The following GUCY2C variants were observed in gnomAD, a reference collection of about 807,000 sequenced individuals.
The protein encoded by GUCY2C is guanylyl cyclase C.
GUCY2C carries 118 observed loss-of-function variants against 131.1 expected under a neutral mutation model. That is an observed-to-expected ratio of 0.90 (90% CI 0.78 to 1.05). The LOEUF is 1.05. Among genes scored for constraint, GUCY2C ranks in the 50% least tolerant of loss-of-function variants. The pLI, the probability that GUCY2C is intolerant of heterozygous loss-of-function variation, is 0.00. For synonymous variants in GUCY2C, 452 were observed against 457.8 expected (o/e 0.99, Z 0.16); for missense variants, 1,161 against 1,304.4 (o/e 0.89, Z 1.69).
chr12:14,684,134 G>A (rs895684400), intron 3 of GUCY2C, among the ~76,000 whole-genome samples: 6 of 152,072 alleles, frequency 3.9e-5, no homozygotes, highest in Admixed American at 6.6e-5. Flanking sequence ...GCATTCCCAA[G>A]CTTAAAACCT....
chr12:14,632,502 A>C (rs1233520494), intron 19 of GUCY2C, among the ~76,000 whole-genome samples: 1 of 152,240 alleles, frequency 6.6e-6, no homozygotes, highest in East Asian at 1.9e-4. Context: ...ACAAAAGCAA[A>C]TGTAAAGAGC....
intron 1 of GUCY2C, among the ~76,000 whole-genome samples, chr12:14,695,039 A>G (rs779590127): frequency 3.3e-5 from 5 of 152,174 alleles, no homozygotes; most frequent in African/African-American, 4.8e-5. Flanking sequence ...TACATACTGG[A>G]TATTATAATA....
intron 16 of GUCY2C, 149 bp from the exon 17 acceptor site, chr12:14,643,855 A>C: frequency 6.0e-6 from 4 of 672,118 alleles, no homozygotes; most frequent in Non-Finnish European, 7.7e-6. Flanking sequence ...TTACCTTAAC[A>C]ATATTACTGA....
rs75809162 is a variant in GUCY2C, at chr12:14,678,211, G to C, written c.831-1240C>G. ...AATCCTAGAAGTACCCTTATGAAGA[G>C]GACATTTTAATTCTCATTTTACAAA... On this transcript the variant is annotated intron_variant, in intron 6 of 26. Transcript: ENST00000261170. Among the ~76,000 whole-genome samples the C allele has an allele frequency of 1.6e-3, 248 of 152,196 alleles. 2 individuals carry two copies. In the East Asian group the frequency reaches 0.028, roughly 17 times the overall value.
chr12:14,662,090 A>T (rs1947879529), intron 10 of GUCY2C, among the ~76,000 whole-genome samples: 2 of 152,102 alleles, frequency 1.3e-5, no homozygotes, highest in South Asian at 4.2e-4. Flanking sequence ...TGAATTCCCT[A>T]TTAGGAAGTC....
chr12:14,638,186 GA>G (rs1330909040), intron 19 of GUCY2C, among the ~76,000 whole-genome samples: 5 of 152,326 alleles, frequency 3.3e-5, no homozygotes, highest in African/African-American at 9.6e-5. Flanking sequence ...ACCCCAGTTA[GA>G]ATGGCTATTA....
chr12:14,636,879 A>G (rs552150460), intron 19 of GUCY2C, among the ~76,000 whole-genome samples: 26 of 152,224 alleles, frequency 1.7e-4, no homozygotes, highest in Non-Finnish European at 2.1e-4. Flanking sequence ...GCCTGAGCTC[A>G]GGAGTTCGAG....
At chr12:14,614,698 C>T (rs1946720439) in intron 26 of GUCY2C, 169 bp downstream of exon 26, 1 of 552,292 alleles carries the variant, frequency 1.8e-6, no homozygotes, top group Non-Finnish European at 3.1e-6. Context: ...CAGGATAATC[C>T]CCTTCTTGCA....
chr12:14,640,964 C>A (rs1253313285), intron 18 of GUCY2C, 118 bp downstream of exon 18: 6 of 860,358 alleles, frequency 7.0e-6, no homozygotes, highest in African/African-American at 1.6e-5. Flanking sequence ...GATGGGAAAT[C>A]ATTAATTTTG....
chr12:14,645,621 G>C (rs923237383), intron 15 of GUCY2C, among the ~76,000 whole-genome samples: 1 of 152,200 alleles, frequency 6.6e-6, no homozygotes, highest in Non-Finnish European at 1.5e-5. Flanking sequence ...TGACTGCCCT[G>C]CATGTTCTGT....
At position 14,620,859 on chromosome 12, in the gene GUCY2C, GTT is replaced by G. The variant is rs112212546; in HGVS notation, c.2776+181_2776+182del. 3.2e-3 allele frequency among the ~76,000 whole-genome samples: 492 copies of G among 152,278 alleles called. 3 individuals are homozygous for G. The highest frequency in any genetic ancestry group is 0.011 in the African/African-American group (465 of 41,558). On this transcript the variant is annotated intron_variant, in intron 23 of 26. Transcript: ENST00000261170. Reference sequence around the variant, plus strand: ...TGCCCTCAAAGGTCTTGTTCTTAGAGTTCTCTAGGAACTGGGTCTAAATATCT... The same window carrying G: ...TGCCCTCAAAGGTCTTGTTCTTAGAGCTCTAGGAACTGGGTCTAAATATCT...
intron 15 of GUCY2C, among the ~76,000 whole-genome samples, chr12:14,648,230 G>A (rs1239422867): frequency 6.6e-6 from 1 of 151,516 alleles, no homozygotes; most frequent in Non-Finnish European, 1.5e-5. Context: ...AAAGTGATGG[G>A]ATTACAGGCA....
At chr12:14,665,805 A>T (rs11056088) in intron 10 of GUCY2C, 1 of 152,238 alleles carries the variant, frequency 6.6e-6, no homozygotes, top group Non-Finnish European at 1.5e-5. Flanking sequence ...GTAGCTGTGT[A>T]CACACAGATG....
chr12:14,631,397 A>C (rs1947144381), intron 19 of GUCY2C, among the ~76,000 whole-genome samples: 2 of 132,240 alleles, frequency 1.5e-5, no homozygotes, highest in African/African-American at 5.6e-5. Context: ...CTACCCCATA[A>C]CAGTCCCCAG....
At chr12:14,627,703 C>G (rs576209252) in intron 20 of GUCY2C, among the ~76,000 whole-genome samples, 1 of 152,170 alleles carries the variant, frequency 6.6e-6, no homozygotes, top group East Asian at 1.9e-4. Context: ...TATCAAGGAC[C>G]CAGTTTCTTC....
chr12:14,625,497 T>A (rs12815090), intron 21 of GUCY2C, among the ~76,000 whole-genome samples: 1 of 151,918 alleles, frequency 6.6e-6, no homozygotes, highest in Non-Finnish European at 1.5e-5. Flanking sequence ...CTGGCTAATT[T>A]TTTTTATTAT....
At chr12:14,634,567 A>G (rs1278472883) in intron 19 of GUCY2C, among the ~76,000 whole-genome samples, 1 of 152,246 alleles carries the variant, frequency 6.6e-6, no homozygotes, top group Non-Finnish European at 1.5e-5. Flanking sequence ...GGATGTATAA[A>G]CAACCAGAAA....
chr12:14,617,637 A>G (rs1335196755), intron 24 of GUCY2C, among the ~76,000 whole-genome samples: 2 of 152,218 alleles, frequency 1.3e-5, no homozygotes, highest in East Asian at 3.9e-4. Context: ...CCCATTCACA[A>G]GTCCATTGAT....
At chr12:14,669,568 A>G (rs775194447) in intron 10 of GUCY2C, among the ~76,000 whole-genome samples, 154 bp downstream of exon 10, 5 of 152,190 alleles carry the variant, frequency 3.3e-5, no homozygotes, top group African/African-American at 4.8e-5. Context: ...CAGGGAAGTA[A>G]GGACCACATT....
Sources: gnomAD v4.1 joint callset for allele counts (sites outside exome capture counted in the v4.1 genomes callset) on GRCh38, gnomAD v4.1.1 for gene constraint, MANE v1.5 for transcripts, NCBI Gene and HGNC (gene_info 2026-07-23, HGNC 2026-07-21) for gene names.